COL4A2: variants seen among roughly 807,000 people sequenced by gnomAD.
The protein encoded by COL4A2 is collagen type IV alpha 2 chain.
COL4A2 carries 99 observed loss-of-function variants against 200.2 expected under a neutral mutation model. The observed-to-expected ratio is 0.49, with a 90% CI of 0.42 to 0.58. The LOEUF is 0.58. COL4A2 is among the 20% of genes least tolerant of loss of function. The pLI, the probability that COL4A2 is intolerant of heterozygous loss-of-function variation, is 0.00. For missense variants in COL4A2, 1,950 were observed against 2,314.1 expected (o/e 0.84, Z 3.23); for synonymous variants, 897 against 900.6 (o/e 1.00, Z 0.07).
At chr13:110,404,755 A>G (rs1879501438) in intron 4 of COL4A2, among the ~76,000 whole-genome samples, 1 of 152,258 alleles carries the variant, frequency 6.6e-6, no homozygotes, top group Admixed American at 6.5e-5. Flanking sequence ...CAGTTCTCCC[A>G]GAGAAAGAGG....
intron 46 of COL4A2, 41 bp downstream of exon 46, chr13:110,506,647 T>C: frequency 3.2e-6 from 5 of 1,545,132 alleles, no homozygotes; most frequent in Non-Finnish European, 4.4e-6. Flanking sequence ...TGCTCAGGGC[T>C]GGCCCGGAAG....
chr13:110,416,690 G>A (rs1357582153), intron 4 of COL4A2, among the ~76,000 whole-genome samples: 4 of 152,222 alleles, frequency 2.6e-5, no homozygotes, highest in Admixed American at 1.3e-4. Flanking sequence ...ATCTACCCCA[G>A]TCAAATCATT....
At chr13:110,391,999 C>A (rs1000245956) in intron 4 of COL4A2, among the ~76,000 whole-genome samples, 23 of 152,140 alleles carry the variant, frequency 1.5e-4, no homozygotes, top group African/African-American at 5.3e-4. Context: ...TCCTCTTGGC[C>A]CCACACATTC....
In COL4A2 at chr13:110,480,407, G is replaced by T; in HGVS notation, c.2758+17G>T. On this transcript the variant is annotated intron_variant, in intron 31 of 47. Transcript: ENST00000360467. ...GGCTAAAAGGTAATTGTGTGACTGT[G>T]ACCAGGGATCCCTTGGCGGGGAGGT... 6.2e-7 allele frequency: 1 copy of T among 1,601,142 alleles called. No individual in the cohort carries two copies. The highest frequency in any genetic ancestry group is 1.1e-5 in the South Asian group (1 of 89,306).
chr13:110,492,787 T>A (rs1714361915), intron 38 of COL4A2, among the ~76,000 whole-genome samples: 1 of 152,240 alleles, frequency 6.6e-6, no homozygotes, highest in East Asian at 1.9e-4. Flanking sequence ...CTAGTGAGTC[T>A]GTTAAAAAGA....
chr13:110,327,456 G>T (rs1019344269), intron 3 of COL4A2, among the ~76,000 whole-genome samples: 1 of 152,190 alleles, frequency 6.6e-6, no homozygotes, highest in Non-Finnish European at 1.5e-5. Flanking sequence ...AGCCGTCCCA[G>T]CAGGTCAGTC....
intron 4 of COL4A2, among the ~76,000 whole-genome samples, chr13:110,412,366 A>G (rs980413712): frequency 2.6e-5 from 4 of 152,136 alleles, no homozygotes; most frequent in Non-Finnish European, 5.9e-5. Context: ...CTTTGACATC[A>G]CTGCCGCTTG....
At chr13:110,406,288 G>A (rs1208491895) in intron 4 of COL4A2, among the ~76,000 whole-genome samples, 2 of 152,160 alleles carry the variant, frequency 1.3e-5, no homozygotes, top group South Asian at 2.1e-4. Flanking sequence ...TTCCTTCATC[G>A]ATGCAGACTG....
At chr13:110,399,884 T>A (rs1879312038) in intron 4 of COL4A2, among the ~76,000 whole-genome samples, 2 of 152,196 alleles carry the variant, frequency 1.3e-5, no homozygotes, top group Admixed American at 1.3e-4. Context: ...CTTCTGAAGC[T>A]TGATAATTGC....
intron 40 of COL4A2, among the ~76,000 whole-genome samples, chr13:110,495,812 A>G (rs910921578): frequency 6.6e-5 from 10 of 152,164 alleles, no homozygotes; most frequent in African/African-American, 2.4e-4. Context: ...GAATAAATGC[A>G]TTAAACCTCC....
intron 4 of COL4A2, among the ~76,000 whole-genome samples, chr13:110,366,807 G>A (rs1164355761): frequency 6.6e-6 from 1 of 152,158 alleles, no homozygotes; most frequent in Non-Finnish European, 1.5e-5. Flanking sequence ...TATAATAAAT[G>A]TATTTTTAAA....
chr13:110,494,131 G>A (rs1049732934), intron 39 of COL4A2, among the ~76,000 whole-genome samples: 11 of 152,176 alleles, frequency 7.2e-5, no homozygotes, highest in Admixed American at 2.6e-4. Context: ...ATAAACTACT[G>A]TAGCACACAT....
intron 13 of COL4A2, among the ~76,000 whole-genome samples, chr13:110,437,710 C>T (rs1021194527): frequency 6.6e-6 from 1 of 152,160 alleles, no homozygotes; most frequent in Non-Finnish European, 1.5e-5. Flanking sequence ...AAACATCTGC[C>T]TGGAACGGTG....
chr13:110,388,266 G>A (rs922266823), intron 4 of COL4A2, among the ~76,000 whole-genome samples: 11 of 152,304 alleles, frequency 7.2e-5, no homozygotes, highest in African/African-American at 1.9e-4. Flanking sequence ...TTCCCCAGCC[G>A]CAGCCAGGCA....
intron 34 of COL4A2, among the ~76,000 whole-genome samples, chr13:110,487,793 G>A (rs187337868): frequency 6.6e-5 from 10 of 152,324 alleles, no homozygotes; most frequent in African/African-American, 1.2e-4. Context: ...ATGGGGTATC[G>A]GGAGCACAGC....
chr13:110,506,300 C>T (rs1387572651), intron 45 of COL4A2, 115 bp from the exon 46 acceptor site: 1 of 1,089,020 alleles, frequency 9.2e-7, no homozygotes, highest in African/African-American at 1.7e-5. Flanking sequence ...GTGCACCAGG[C>T]CGTCCACTCT....
intron 4 of COL4A2, among the ~76,000 whole-genome samples, chr13:110,417,608 T>A (rs1220364517): frequency 6.6e-6 from 1 of 152,204 alleles, no homozygotes; most frequent in Non-Finnish European, 1.5e-5. Flanking sequence ...CCTTGTGCCC[T>A]CTCAGTTAGT....
rs182589750 is a variant in COL4A2, at chr13:110,350,153, T to C, written c.100-7319T>C. 1.7e-4 allele frequency among the ~76,000 whole-genome samples: 26 copies of C among 152,274 alleles called. No homozygotes were observed. In the East Asian group the frequency reaches 4.0e-3, roughly 24 times the overall value. The stretch of plus-strand genomic sequence containing the variant: ...TCCATATATGAAGTCAACCAAGAAA[T>C]CCCTCACTCAAAGATTCCCGTTCTG... On this transcript the variant is annotated intron_variant, in intron 3 of 47. Transcript: ENST00000360467.
In COL4A2 at chr13:110,393,649, T is replaced by C. The variant is rs112386124; in HGVS notation, c.181-31085T>C. Among the ~76,000 whole-genome samples the C allele has an allele frequency of 2.5e-3, 376 of 149,926 alleles. 2 individuals carry two copies. Among genetic ancestry groups the C allele is most frequent in the African/African-American group, 8.7e-3 (357 of 40,840 alleles). ...ATCCCACCATTTTTGGAGGCCAAGG[T>C]GGATGGATCACTTGAGGTCAGGAGT... On this transcript the variant is annotated intron_variant, in intron 4 of 47. Transcript: ENST00000360467.
Sources: allele counts gnomAD v4.1 joint callset (sites outside exome capture counted in the v4.1 genomes callset), GRCh38; gene constraint gnomAD v4.1.1; transcripts MANE v1.5; gene names NCBI Gene and HGNC (gene_info 2026-07-23, HGNC 2026-07-21).